Variants in KIAA0825 observed in about 807,000 individuals in gnomAD.
KIAA0825 encodes uncharacterized protein KIAA0825.
In KIAA0825, 119 loss-of-function variants were observed where a neutral mutation model predicts 147.6. The observed-to-expected ratio is 0.81, with a 90% CI of 0.69 to 0.94. The LOEUF is 0.94. Among genes scored for constraint, KIAA0825 ranks in the 40% least tolerant of loss-of-function variants. The probability of loss-of-function intolerance (pLI) is 0.00; values close to 1 mark genes in which losing one functional copy is unlikely to be tolerated. For synonymous variants in KIAA0825, 470 were observed against 518.1 expected (o/e 0.91, Z 1.26); for missense variants, 1,381 against 1,472.7 (o/e 0.94, Z 1.02).
chr5:94,468,181 C>G (rs1396566737), intron 10 of KIAA0825, among the ~76,000 whole-genome samples: 1 of 152,128 alleles, frequency 6.6e-6, no homozygotes, highest in Non-Finnish European at 1.5e-5. Flanking sequence ...TTTTAAAATA[C>G]TTGGTAACTT....
In KIAA0825 at chr5:94,510,055, C is replaced by T. The variant is rs138563790; in HGVS notation, c.970+10193G>A. Among the ~76,000 whole-genome samples the T allele has an allele frequency of 1.9e-3, 293 of 152,238 alleles. 2 individuals are homozygous for T. Among genetic ancestry groups the T allele is most frequent in the African/African-American group, 6.8e-3 (283 of 41,560 alleles). On this transcript the variant is annotated intron_variant, in intron 5 of 20. Coordinates refer to ENST00000682413, the MANE Select transcript of KIAA0825 (RefSeq NM_001145678.3). ...TTAACAATATAGCTTTCTCTGACAA[C>T]GATCATCAAAAAATTTGGAGGCAAT...
At chr5:94,513,096 A>G (rs1236226990) in intron 5 of KIAA0825, among the ~76,000 whole-genome samples, 1 of 152,146 alleles carries the variant, frequency 6.6e-6, no homozygotes. Flanking sequence ...TAGTTGCAAG[A>G]TAAGTTTGTT....
At chr5:94,353,972 T>G (rs1783979964) in intron 20 of KIAA0825, among the ~76,000 whole-genome samples, 1 of 152,224 alleles carries the variant, frequency 6.6e-6, no homozygotes, top group African/African-American at 2.4e-5. Flanking sequence ...ATATAGTCAG[T>G]TAAGTAAGAA....
At chr5:94,297,405 T>A (rs567859676) in intron 20 of KIAA0825, among the ~76,000 whole-genome samples, 1 of 152,364 alleles carries the variant, frequency 6.6e-6, no homozygotes, top group African/African-American at 2.4e-5. Flanking sequence ...TTTCAAAATG[T>A]AAAGTGTTTT....
At chr5:94,217,548 C>T (rs1312542702) in intron 20 of KIAA0825, among the ~76,000 whole-genome samples, 1 of 152,112 alleles carries the variant, frequency 6.6e-6, no homozygotes, top group Non-Finnish European at 1.5e-5. Flanking sequence ...GTTATACATA[C>T]CCATACTGTA....
At chr5:94,253,283 A>C (rs955151114) in intron 20 of KIAA0825, among the ~76,000 whole-genome samples, 6 of 152,134 alleles carry the variant, frequency 3.9e-5, no homozygotes, top group Non-Finnish European at 8.8e-5. Flanking sequence ...CTGTCAGTAT[A>C]AACTGCTTCT....
chr5:94,218,332 T>A (rs1162910774), intron 20 of KIAA0825, among the ~76,000 whole-genome samples: 1 of 152,220 alleles, frequency 6.6e-6, no homozygotes, highest in Non-Finnish European at 1.5e-5. Flanking sequence ...TAATTCCTTC[T>A]TGTCCATCTA....
At chr5:94,171,276 T>A (rs1768587490) in intron 20 of KIAA0825, among the ~76,000 whole-genome samples, 1 of 152,182 alleles carries the variant, frequency 6.6e-6, no homozygotes, top group African/African-American at 2.4e-5. Context: ...GCTCTTCTTT[T>A]GCCTGCCGCC....
intron 5 of KIAA0825, among the ~76,000 whole-genome samples, chr5:94,485,945 GT>G (rs772677802): frequency 6.6e-6 from 1 of 151,598 alleles, no homozygotes; most frequent in Non-Finnish European, 1.5e-5. Context: ...CTTAAAGGTT[GT>G]TTTTTTGCCC....
chr5:94,393,942 G>C (rs1390013356), intron 17 of KIAA0825, among the ~76,000 whole-genome samples: 1 of 151,208 alleles, frequency 6.6e-6, no homozygotes, highest in Admixed American at 6.6e-5. Context: ...TCCGCCTCCC[G>C]GGTTCAAGCG....
At chr5:94,541,094 A>G (rs1366472044) in intron 2 of KIAA0825, among the ~76,000 whole-genome samples, 1 of 152,232 alleles carries the variant, frequency 6.6e-6, no homozygotes, top group South Asian at 2.1e-4. Flanking sequence ...TATGCAAGAA[A>G]TGTACAATTT....
Position 94,601,569 on chromosome 5 carries a change from T to C in KIAA0825, c.-153+16931A>G, listed in dbSNP as rs571966787. ...TGAGGCTGATATGGCTGAACAGAAG[T>C]AGACCTCAGAATGTAGATAAAAACA... On this transcript the variant is annotated intron_variant, in intron 1 of 20. Transcript: ENST00000682413. Among the ~76,000 whole-genome samples the C allele has an allele frequency of 1.6e-4, 25 of 152,132 alleles. No homozygotes were observed. In the South Asian group the frequency reaches 4.8e-3, roughly 29 times the overall value.
intron 5 of KIAA0825, among the ~76,000 whole-genome samples, chr5:94,491,715 T>G (rs1763755599): frequency 6.6e-6 from 1 of 152,212 alleles, no homozygotes; most frequent in Non-Finnish European, 1.5e-5. Context: ...AGAAAAGAAT[T>G]TGGGGTAAAA....
chr5:94,178,705 A>G (rs1450476932), intron 20 of KIAA0825, among the ~76,000 whole-genome samples: 1 of 152,088 alleles, frequency 6.6e-6, no homozygotes, highest in Non-Finnish European at 1.5e-5. Context: ...TGCTATAGAC[A>G]GGTGGGAATG....
At chr5:94,326,153 C>A (rs939172964) in intron 20 of KIAA0825, among the ~76,000 whole-genome samples, 3 of 152,046 alleles carry the variant, frequency 2.0e-5, no homozygotes, top group African/African-American at 7.2e-5. Context: ...TATTTTCTCT[C>A]AATAAGGAAA....
chr5:94,178,367 G>A (rs1769300883), intron 20 of KIAA0825, among the ~76,000 whole-genome samples: 1 of 151,794 alleles, frequency 6.6e-6, no homozygotes, highest in African/African-American at 2.4e-5. Context: ...TGGGAATTCT[G>A]TCCCCCCTTG....
chr5:94,557,357 C>T (rs1160707362), intron 2 of KIAA0825, among the ~76,000 whole-genome samples: 1 of 151,932 alleles, frequency 6.6e-6, no homozygotes, highest in African/African-American at 2.4e-5. Context: ...CATGACTCAG[C>T]CTTCAAGGTA....
chr5:94,455,866 C>T (rs1759035020), intron 12 of KIAA0825, among the ~76,000 whole-genome samples: 2 of 152,006 alleles, frequency 1.3e-5, no homozygotes, highest in African/African-American at 4.8e-5. Flanking sequence ...AAAGGAGTTA[C>T]CCAAGGTTGG....
chr5:94,187,382 C>A (rs921639859), intron 20 of KIAA0825, among the ~76,000 whole-genome samples: 7 of 133,270 alleles, frequency 5.3e-5, no homozygotes, highest in East Asian at 2.2e-4. Context: ...AGATGAAAAA[C>A]AGAAATCTGA....
Sources: gnomAD v4.1 joint callset for allele counts (sites outside exome capture counted in the v4.1 genomes callset) on GRCh38, gnomAD v4.1.1 for gene constraint, MANE v1.5 for transcripts, NCBI Gene and HGNC (gene_info 2026-07-23, HGNC 2026-07-21) for gene names.